Variants in JAKMIP1 observed in about 807,000 individuals in gnomAD.
JAKMIP1 encodes janus kinase and microtubule-interacting protein 1.
A neutral mutation model predicts 113.0 loss-of-function variants in JAKMIP1; 33 were observed. The observed-to-expected ratio is 0.29, with a 90% CI of 0.22 to 0.39. The LOEUF is 0.39. Among genes scored for constraint, JAKMIP1 ranks in the 10% least tolerant of loss-of-function variants. JAKMIP1 has a pLI of 1.00. For synonymous variants in JAKMIP1, 480 were observed against 459.9 expected, an observed-to-expected ratio of 1.04 and a Z score of -0.56; for missense variants, 813 against 1,080.5, an observed-to-expected ratio of 0.75 and a Z score of 3.47.
chr4:6,166,516 G>A (rs914722326), intron 1 of JAKMIP1, among the ~76,000 whole-genome samples: 15 of 152,208 alleles, frequency 9.9e-5, no homozygotes, highest in Admixed American at 2.0e-4. Context: ...AGGCCCAGGC[G>A]GCCAGGGCTC....
intron 1 of JAKMIP1, among the ~76,000 whole-genome samples, chr4:6,115,656 A>G (rs767039065): frequency 3.9e-5 from 6 of 152,236 alleles, no homozygotes; most frequent in Non-Finnish European, 1.5e-5. Context: ...CTAGGTAAGT[A>G]CAATGTTCTA....
intron 19 of JAKMIP1, among the ~76,000 whole-genome samples, chr4:6,030,881 T>C (rs1286197677): frequency 6.6e-6 from 1 of 152,174 alleles, no homozygotes; most frequent in Non-Finnish European, 1.5e-5. Context: ...TCAGCCCAGC[T>C]GGGGTGGGAC....
chr4:6,183,915 C>A lies in JAKMIP1; in HGVS notation c.-148+16338G>T, dbSNP rs1447158174. The stretch of plus-strand genomic sequence containing the variant: ...AAATCGTCACAACAGAATATTTTCA[C>A]AACCACAACAAAGTCCATTAATACT... On this transcript the variant is annotated intron_variant, in intron 1 of 20. Transcript: ENST00000409021. The surrounding 1 kb of genome is among the most constrained non-coding windows in gnomAD (Gnocchi z 5.3). 6.6e-6 allele frequency among the ~76,000 whole-genome samples: 1 copy of A among 152,212 alleles called. No individual in the cohort carries two copies. The highest frequency in any genetic ancestry group is 1.5e-5 in the Non-Finnish European group (1 of 68,034).
In JAKMIP1 at chr4:6,167,131, T is replaced by A. The variant is rs1043406277; in HGVS notation, c.-148+33122A>T. Among the ~76,000 whole-genome samples, 3 of 152,086 alleles carry A rather than the reference T, an allele frequency of 2.0e-5. No individual in the cohort carries two copies. Among genetic ancestry groups the A allele is most frequent in the South Asian group, 4.2e-4 (2 of 4,818 alleles). On this transcript the variant is annotated intron_variant, in intron 1 of 20. Coordinates refer to ENST00000409021, the MANE Select transcript of JAKMIP1 (RefSeq NM_001099433.2). The surrounding 1 kb of genome is among the most constrained non-coding windows in gnomAD (Gnocchi z 5.3). ...TTATTAAAATTCTTGAAATCCATCG[T>A]CTTCCCCTAGACCTGCTCCTCCTTC...
At position 6,199,194 on chromosome 4, in the gene JAKMIP1, G is replaced by C. The variant is rs965208936; in HGVS notation, c.-148+1059C>G. ...AGTGTGCGCAGATGGGGCGGGCGGCGGAGGAGGGCTGGCGGTTAGATACAG... is the reference window on the plus strand; with the variant it reads ...AGTGTGCGCAGATGGGGCGGGCGGCCGAGGAGGGCTGGCGGTTAGATACAG... On this transcript the variant is annotated intron_variant, in intron 1 of 20. Coordinates refer to ENST00000409021, the MANE Select transcript of JAKMIP1 (RefSeq NM_001099433.2). This position sits in a 1 kb window ranked among gnomAD's most constrained non-coding sequence, Gnocchi z 5.6. Among the ~76,000 whole-genome samples the C allele has an allele frequency of 1.3e-5, 2 of 152,246 alleles. No homozygotes were observed. Among genetic ancestry groups the C allele is most frequent in the Non-Finnish European group, 2.9e-5 (2 of 68,042 alleles).
At chr4:6,085,969 C>T (rs1721235426) in intron 3 of JAKMIP1, among the ~76,000 whole-genome samples, 1 of 152,046 alleles carries the variant, frequency 6.6e-6, no homozygotes, top group African/African-American at 2.4e-5. Context: ...AGCTCAGCTT[C>T]TTGGCAGAGC....
Position 6,127,009 on chromosome 4 carries a change from A to G in JAKMIP1, c.-147-14012T>C, listed in dbSNP as rs148180473. On this transcript the variant is annotated intron_variant, in intron 1 of 20. Coordinates refer to ENST00000409021, the MANE Select transcript of JAKMIP1 (RefSeq NM_001099433.2). The stretch of plus-strand genomic sequence containing the variant: ...TCACACACATCATACAGAAACCCAT[A>G]CCACATATGCCACACACACACACAG... Among the ~76,000 whole-genome samples, 409 of 151,722 alleles carry G rather than the reference A, an allele frequency of 2.7e-3. 2 individuals are homozygous for G. The highest frequency in any genetic ancestry group is 9.4e-3 in the African/African-American group (390 of 41,350).
chr4:6,118,244 C>A (rs1160461097), intron 1 of JAKMIP1, among the ~76,000 whole-genome samples: 1 of 152,214 alleles, frequency 6.6e-6, no homozygotes, highest in Non-Finnish European at 1.5e-5. Flanking sequence ...ATGGCTTCAG[C>A]CGGTCCCTCC....
chr4:6,189,196 T>A (rs1391611956), intron 1 of JAKMIP1, among the ~76,000 whole-genome samples: 2 of 152,226 alleles, frequency 1.3e-5, no homozygotes, highest in Non-Finnish European at 2.9e-5. Flanking sequence ...ATGCAGTTTG[T>A]TTCTGAAGAA....
At chr4:6,160,932 C>A (rs1233011660) in intron 1 of JAKMIP1, among the ~76,000 whole-genome samples, 1 of 146,960 alleles carries the variant, frequency 6.8e-6, no homozygotes, top group Non-Finnish European at 1.5e-5. Flanking sequence ...CTCACCTCCC[C>A]GATCTCCACT....
chr4:6,112,688 GCCCA>G (rs762914043), intron 2 of JAKMIP1, 30 bp downstream of exon 2: 1 of 1,606,598 alleles, frequency 6.2e-7, no homozygotes. Flanking sequence ...GACATTTGCA[GCCCA>G]GCCGCTGCTG....
rs111391477 is a variant in JAKMIP1, at chr4:6,076,401, T to TTATA, written c.1302+2534_1302+2537dup. Among the ~76,000 whole-genome samples, 1,742 of 150,614 alleles carry TTATA rather than the reference T, an allele frequency of 0.012. 19 individuals carry two copies. The highest frequency in any genetic ancestry group is 0.017 in the Non-Finnish European group (1,164 of 67,578). On this transcript the variant is annotated intron_variant, in intron 8 of 20. Transcript: ENST00000409021. The surrounding 1 kb of genome is among the most constrained non-coding windows in gnomAD (Gnocchi z 4.8). Reference sequence around the variant, plus strand: ...TAATTTTTCTCTGAGTTTTTCTATATTATATATATATATGTCTTCTGTAGC... The same window carrying TTATA: ...TAATTTTTCTCTGAGTTTTTCTATATTATATATATATATATATGTCTTCTGTAGC...
At position 6,040,809 on chromosome 4, in the gene JAKMIP1, C is replaced by T. The variant is rs1000419945; in HGVS notation, c.2098-93G>A. ...GTTTGCTAGAGAGTGGCAGTCTCAC[C>T]GAATTGGGGGCACTCAGATGAGAAG... On this transcript the variant is annotated intron_variant, in intron 17 of 20. Transcript: ENST00000409021. This position sits in a 1 kb window ranked among gnomAD's most constrained non-coding sequence, Gnocchi z 5.8. The T allele has an allele frequency of 9.7e-6, 9 of 931,418 alleles. No homozygotes were observed. Among genetic ancestry groups the T allele is most frequent in the Admixed American group, 7.8e-5 (4 of 51,108 alleles). The allele number at this position is 931,418 out of a possible 1,614,324, so 57.7% of individuals were successfully genotyped here.
Position 6,116,544 on chromosome 4 carries a change from A to C in JAKMIP1, c.-147-3547T>G, listed in dbSNP as rs947735811. Among the ~76,000 whole-genome samples the C allele has an allele frequency of 6.6e-6, 1 of 152,192 alleles. No homozygotes were observed. The highest frequency in any genetic ancestry group is 1.5e-5 in the Non-Finnish European group (1 of 68,032). On this transcript the variant is annotated intron_variant, in intron 1 of 20. Transcript: ENST00000409021. The surrounding 1 kb of genome is among the most constrained non-coding windows in gnomAD (Gnocchi z 5.1). ...TGGACCTTGTCTGGCATATAGGCCA[A>C]GGTTGGCAAATATTCATCTCCCGCA...
In JAKMIP1 at chr4:6,193,403, T is replaced by C. The variant is rs1169761090; in HGVS notation, c.-148+6850A>G. 6.6e-6 allele frequency among the ~76,000 whole-genome samples: 1 copy of C among 152,176 alleles called. No individual in the cohort carries two copies. The highest frequency in any genetic ancestry group is 1.5e-5 in the Non-Finnish European group (1 of 68,036). The stretch of plus-strand genomic sequence containing the variant: ...ATAAACTCCTTTTCATATACACATA[T>C]ATCCGATTAGTTCTGTCTCTCTAGA... On this transcript the variant is annotated intron_variant, in intron 1 of 20. Coordinates refer to ENST00000409021, the MANE Select transcript of JAKMIP1 (RefSeq NM_001099433.2). The surrounding 1 kb of genome is among the most constrained non-coding windows in gnomAD (Gnocchi z 6.4).
intron 1 of JAKMIP1, among the ~76,000 whole-genome samples, chr4:6,163,997 G>C (rs1419210204): frequency 6.6e-6 from 1 of 152,238 alleles, no homozygotes; most frequent in African/African-American, 2.4e-5. Flanking sequence ...AAAGTGCAAA[G>C]TGAAGCATCA....
At chr4:6,101,047 T>C (rs185857182) in intron 3 of JAKMIP1, among the ~76,000 whole-genome samples, 1 of 152,342 alleles carries the variant, frequency 6.6e-6, no homozygotes, top group East Asian at 1.9e-4. Context: ...GATTATTTCA[T>C]GTCCAATGTA....
chr4:6,033,857 G>A (rs1438374583), intron 19 of JAKMIP1, among the ~76,000 whole-genome samples: 5 of 152,198 alleles, frequency 3.3e-5, no homozygotes, highest in African/African-American at 4.8e-5. Flanking sequence ...ACTATCAAAT[G>A]ATAGCAACTA....
chr4:6,145,897 C>T (rs935513671), intron 1 of JAKMIP1, among the ~76,000 whole-genome samples: 7 of 152,118 alleles, frequency 4.6e-5, no homozygotes, highest in African/African-American at 7.2e-5. Context: ...CTAATGACCT[C>T]AGTTTAATGT....
Sources: allele counts gnomAD v4.1 joint callset (sites outside exome capture counted in the v4.1 genomes callset), GRCh38; gene constraint gnomAD v4.1.1; non-coding constraint Gnocchi (gnomAD v3.1); transcripts MANE v1.5; gene names NCBI Gene and HGNC (gene_info 2026-07-23, HGNC 2026-07-21).